Variants in ULK4 observed in about 807,000 individuals in gnomAD.
The protein encoded by ULK4 is inactive serine/threonine-protein kinase ULK4.
Under a neutral mutation model 160.6 loss-of-function variants are expected in ULK4, and 133 were observed. That is an observed-to-expected ratio of 0.83 (90% CI 0.72 to 0.96). ULK4 has a LOEUF of 0.96. Among genes scored for constraint, ULK4 ranks in the 40% least tolerant of loss-of-function variants. ULK4 has a pLI of 0.00. For missense variants in ULK4, 1,580 were observed against 1,499.5 expected (o/e 1.05, Z -0.89); for synonymous variants, 534 against 539.8 (o/e 0.99, Z 0.15).
At chr3:41,626,890 T>C (rs1478501137) in intron 30 of ULK4, among the ~76,000 whole-genome samples, 1 of 152,186 alleles carries the variant, frequency 6.6e-6, no homozygotes, top group Non-Finnish European at 1.5e-5. Flanking sequence ...GGCCTTGGTC[T>C]TTCTCTATTT....
chr3:41,809,910 T>C (rs1289278725), intron 19 of ULK4, among the ~76,000 whole-genome samples: 5 of 152,200 alleles, frequency 3.3e-5, no homozygotes, highest in African/African-American at 7.2e-5. Flanking sequence ...TAGTATACAA[T>C]AGAAAACATA....
At chr3:41,941,339 G>GAAAA (rs58069829) in intron 2 of ULK4, among the ~76,000 whole-genome samples, 2,105 of 100,748 alleles carry the variant, frequency 0.021, 57 homozygotes, top group Non-Finnish European at 0.023. Context: ...TGCCCAGCTT[G>GAAAA]AAAAAAAAAA....
chr3:41,424,049 G>T (rs1009546891), intron 34 of ULK4, among the ~76,000 whole-genome samples: 1 of 151,822 alleles, frequency 6.6e-6, no homozygotes, highest in Non-Finnish European at 1.5e-5. Context: ...GAGCTCCCAG[G>T]GGCAGGGGTG....
At chr3:41,796,993 T>A (rs2125600326) in intron 20 of ULK4, among the ~76,000 whole-genome samples, 1 of 152,258 alleles carries the variant, frequency 6.6e-6, no homozygotes, top group East Asian at 1.9e-4. Flanking sequence ...TCTGGGATGA[T>A]TAGAGCACCC....
At chr3:41,379,225 GA>G (rs924602966) in intron 35 of ULK4, among the ~76,000 whole-genome samples, 10 of 150,122 alleles carry the variant, frequency 6.7e-5, no homozygotes, top group East Asian at 3.9e-4. Context: ...AGTGAAAAAA[GA>G]AAAAAAAAGT....
intron 29 of ULK4, among the ~76,000 whole-genome samples, chr3:41,664,844 A>T (rs1272112632): frequency 6.6e-6 from 1 of 152,188 alleles, no homozygotes; most frequent in Non-Finnish European, 1.5e-5. Context: ...ATTTATTACC[A>T]AAGAGAATAA....
In ULK4 at chr3:41,775,589, G is replaced by C. The variant is rs141010718; in HGVS notation, c.2193+14072C>G. The stretch of plus-strand genomic sequence containing the variant: ...AATTTTTGTATTTTTAGTAGAGATG[G>C]GGTTTCACTATGTTGGCCAGGCTGG... On this transcript the variant is annotated intron_variant, in intron 21 of 36. Transcript: ENST00000301831. Among the ~76,000 whole-genome samples the C allele has an allele frequency of 2.1e-3, 321 of 150,284 alleles. 28 individuals are homozygous for C. Among genetic ancestry groups the C allele is most frequent in the African/African-American group, 7.8e-3 (309 of 39,854 alleles).
chr3:41,796,286 A>G (rs1350893792), intron 20 of ULK4, among the ~76,000 whole-genome samples: 1 of 152,170 alleles, frequency 6.6e-6, no homozygotes. Context: ...AGAGTTCTAC[A>G]AACACAGAAA....
chr3:41,316,677 T>C (rs551269400), intron 35 of ULK4, among the ~76,000 whole-genome samples: 1 of 152,332 alleles, frequency 6.6e-6, no homozygotes, highest in South Asian at 2.1e-4. Context: ...GCTCACTACC[T>C]GGGTGCAATA....
At chr3:41,279,255 T>TAAAAAGAAAAAAAAAAAAAAAAAAAAAA (rs2079296692) in intron 35 of ULK4, among the ~76,000 whole-genome samples, 1 of 43,074 alleles carries the variant, frequency 2.3e-5, no homozygotes, top group African/African-American at 1.2e-4. Context: ...AAAAAAAGAG[T>TAAAAAGAAAAAAAAAAAAAAAAAAAAAA]AAAAAAAAAA....
chr3:41,369,190 C>T (rs1474999539), intron 35 of ULK4, among the ~76,000 whole-genome samples: 1 of 152,144 alleles, frequency 6.6e-6, no homozygotes, highest in African/African-American at 2.4e-5. Flanking sequence ...AGAAGTAGGC[C>T]TTCCTTTTAA....
chr3:41,675,190 A>C (rs1165658878), intron 29 of ULK4, among the ~76,000 whole-genome samples: 1 of 151,436 alleles, frequency 6.6e-6, no homozygotes, highest in Non-Finnish European at 1.5e-5. Context: ...CAATGAGCCG[A>C]GATCATTCCA....
At chr3:41,644,100 A>G (rs1397926033) in intron 30 of ULK4, among the ~76,000 whole-genome samples, 1 of 152,142 alleles carries the variant, frequency 6.6e-6, no homozygotes, top group African/African-American at 2.4e-5. Flanking sequence ...GGGCTGAGAC[A>G]ATGGGGCTTT....
At chr3:41,639,716 A>G (rs1282715450) in intron 30 of ULK4, among the ~76,000 whole-genome samples, 1 of 152,222 alleles carries the variant, frequency 6.6e-6, no homozygotes, top group Non-Finnish European at 1.5e-5. Flanking sequence ...TAACAGAGCT[A>G]GACTTCATCT....
chr3:41,937,550 G>A (rs1476914119), intron 3 of ULK4, among the ~76,000 whole-genome samples: 2 of 149,872 alleles, frequency 1.3e-5, no homozygotes, highest in African/African-American at 5.1e-5. Context: ...CTTAGCAGTG[G>A]TTATTACATT....
At chr3:41,806,313 G>T (rs1424333536) in intron 19 of ULK4, among the ~76,000 whole-genome samples, 1 of 151,938 alleles carries the variant, frequency 6.6e-6, no homozygotes, top group Non-Finnish European at 1.5e-5. Context: ...TTGTATTTCT[G>T]TGGGATCGGT....
At chr3:41,303,176 A>C (rs1241400872) in intron 35 of ULK4, among the ~76,000 whole-genome samples, 1 of 152,174 alleles carries the variant, frequency 6.6e-6, no homozygotes, top group Non-Finnish European at 1.5e-5. Flanking sequence ...ATTTTGACTC[A>C]CGCTTTTCTC....
At chr3:41,773,785 C>T (rs978789221) in intron 21 of ULK4, among the ~76,000 whole-genome samples, 16 of 152,122 alleles carry the variant, frequency 1.1e-4, no homozygotes, top group African/African-American at 3.9e-4. Context: ...GCCAAAAGAA[C>T]AAAGCTGGAG....
At chr3:41,643,340 C>A (rs1189062871) in intron 30 of ULK4, among the ~76,000 whole-genome samples, 6 of 152,146 alleles carry the variant, frequency 3.9e-5, no homozygotes, top group African/African-American at 1.4e-4. Context: ...ACGTTTAAGT[C>A]TTTAATCCAT....
Sources: allele counts gnomAD v4.1 joint callset (sites outside exome capture counted in the v4.1 genomes callset), GRCh38; gene constraint gnomAD v4.1.1; transcripts MANE v1.5; gene names NCBI Gene and HGNC (gene_info 2026-07-23, HGNC 2026-07-21).